Variants in APP observed in about 807,000 individuals in gnomAD.
The protein encoded by APP is amyloid-beta precursor protein.
In APP, 31 loss-of-function variants were observed where a neutral mutation model predicts 101.4. That is an observed-to-expected ratio of 0.31 (90% confidence interval 0.23 to 0.41). The LOEUF (loss-of-function observed/expected upper bound fraction) is 0.41. Ranked by LOEUF, APP falls within the 10% of genes least tolerant of loss-of-function variation. APP has a pLI of 1.00. For missense variants in APP, 839 were observed against 1,003.7 expected (o/e 0.84, Z 2.22); for synonymous variants, 366 against 364.4 (o/e 1.00, Z -0.05).
At chr21:26,121,663 G>A (rs1023051416) in intron 1 of APP, among the ~76,000 whole-genome samples, 2 of 152,080 alleles carry the variant, frequency 1.3e-5, no homozygotes, top group African/African-American at 2.4e-5. Flanking sequence ...CATCTTTTAT[G>A]CAATATCATA....
chr21:26,093,039 G>A (rs527272397), intron 2 of APP, among the ~76,000 whole-genome samples: 12 of 152,160 alleles, frequency 7.9e-5, no homozygotes, highest in African/African-American at 2.9e-4. Context: ...AAGGGATCCT[G>A]CTATTAATAC....
At chr21:26,135,404 C>T (rs2062875411) in intron 1 of APP, among the ~76,000 whole-genome samples, 1 of 152,236 alleles carries the variant, frequency 6.6e-6, no homozygotes, top group Non-Finnish European at 1.5e-5. Flanking sequence ...AATTTTATAT[C>T]ACTTTCTAAC....
chr21:26,070,904 C>A (rs1239463647), intron 3 of APP, among the ~76,000 whole-genome samples: 1 of 152,180 alleles, frequency 6.6e-6, no homozygotes, highest in African/African-American at 2.4e-5. Context: ...TAGTCATCCT[C>A]TTTTATCACT....
chr21:25,897,322 G>C (rs369305331), intron 16 of APP, among the ~76,000 whole-genome samples: 6 of 152,074 alleles, frequency 3.9e-5, no homozygotes, highest in African/African-American at 1.4e-4. Flanking sequence ...CACCATATTG[G>C]CCAGGCTGGT....
Position 26,053,383 on chromosome 21 carries a change from T to A in APP, c.356-35A>T, listed in dbSNP as rs746850311. 8 of 1,404,832 alleles carry A rather than the reference T, an allele frequency of 5.7e-6. No homozygotes were observed. The South Asian group carries it at 8.1e-5, about 14-fold the overall frequency. 87.0% of individuals were successfully genotyped at this position (1,404,832 alleles called of 1,614,324 possible). A position where few individuals can be genotyped will look rare whatever the true frequency, so the allele number is the denominator to read the frequency against. On this transcript the variant is annotated intron_variant, in intron 3 of 17. Coordinates refer to ENST00000346798, the MANE Select transcript of APP (RefSeq NM_000484.4). ...AGGAAAACCACTTCCCGTCATTCCA[T>A]CTGTATCACAGTGTTCTTACCGCAG...
At chr21:25,971,533 TC>T (rs2042033052) in intron 11 of APP, among the ~76,000 whole-genome samples, 2 of 152,172 alleles carry the variant, frequency 1.3e-5, no homozygotes, top group South Asian at 4.1e-4. Flanking sequence ...TGTGGAGAGA[TC>T]AAGGTAGTTG....
chr21:26,007,468 AAT>A (rs1300658307), intron 6 of APP, among the ~76,000 whole-genome samples: 1 of 147,750 alleles, frequency 6.8e-6, no homozygotes, highest in African/African-American at 2.5e-5. Flanking sequence ...TATATATTAC[AAT>A]ATATAATTAT....
At chr21:26,142,645 T>A (rs2063072373) in intron 1 of APP, among the ~76,000 whole-genome samples, 1 of 152,110 alleles carries the variant, frequency 6.6e-6, no homozygotes, top group South Asian at 2.1e-4. Flanking sequence ...GGTGCAAACC[T>A]GTAGTCCCAG....
chr21:25,938,340 AG>A (rs1049139087), intron 13 of APP, among the ~76,000 whole-genome samples: 7 of 152,162 alleles, frequency 4.6e-5, no homozygotes, highest in African/African-American at 1.7e-4. Context: ...TGGGGGAAGC[AG>A]GGAGGATCTC....
chr21:25,999,695 T>C (rs774337881), intron 7 of APP, among the ~76,000 whole-genome samples: 25 of 152,170 alleles, frequency 1.6e-4, no homozygotes, highest in Non-Finnish European at 3.1e-4. Flanking sequence ...CAGAAACGGC[T>C]GGCTGCAGAA....
chr21:26,128,929 G>C (rs1241562377), intron 1 of APP, among the ~76,000 whole-genome samples: 1 of 152,048 alleles, frequency 6.6e-6, no homozygotes, highest in African/African-American at 2.4e-5. Flanking sequence ...AAAACCAAAA[G>C]AAGCCTTAAA....
intron 3 of APP, among the ~76,000 whole-genome samples, chr21:26,069,694 G>T (rs2046599066): frequency 6.6e-6 from 1 of 152,164 alleles, no homozygotes; most frequent in Non-Finnish European, 1.5e-5. Context: ...GTATAGTCCA[G>T]ACTTAAAATG....
intron 5 of APP, among the ~76,000 whole-genome samples, chr21:26,028,248 A>G (rs118188343): frequency 2.3e-3 from 355 of 152,204 alleles, no homozygotes; most frequent in Middle Eastern, 6.8e-3. Flanking sequence ...ATAAATCACA[A>G]TCTTGATCTG....
chr21:26,121,722 AGTG>A (rs1391722563), intron 1 of APP, among the ~76,000 whole-genome samples: 3 of 152,228 alleles, frequency 2.0e-5, no homozygotes, highest in Non-Finnish European at 2.9e-5. Flanking sequence ...TTACTTTATC[AGTG>A]GTACTTTACA....
intron 11 of APP, among the ~76,000 whole-genome samples, chr21:25,958,704 C>A (rs969623910): frequency 2.0e-5 from 3 of 152,132 alleles, no homozygotes; most frequent in Non-Finnish European, 2.9e-5. Flanking sequence ...GTGATAGTTA[C>A]CCAGAATGAT....
At chr21:25,990,201 C>T (rs2042805118) in intron 8 of APP, among the ~76,000 whole-genome samples, 1 of 152,212 alleles carries the variant, frequency 6.6e-6, no homozygotes, top group South Asian at 2.1e-4. Flanking sequence ...ACTATCAATG[C>T]ATCACATGGA....
intron 6 of APP, among the ~76,000 whole-genome samples, chr21:26,020,443 T>C (rs879775607): frequency 6.6e-6 from 1 of 152,102 alleles, no homozygotes; most frequent in Non-Finnish European, 1.5e-5. Flanking sequence ...AATTACACCT[T>C]AATAAGGTAA....
At chr21:25,911,704 C>A (rs889600261) in intron 14 of APP, 37 bp downstream of exon 14, 1 of 1,583,948 alleles carries the variant, frequency 6.3e-7, no homozygotes, top group African/African-American at 1.3e-5. Flanking sequence ...GTATATATAC[C>A]TCCCAGAACG....
chr21:25,911,504 C>T (rs577088913), intron 14 of APP, among the ~76,000 whole-genome samples: 1 of 152,286 alleles, frequency 6.6e-6, no homozygotes, highest in East Asian at 1.9e-4. Context: ...TGGCAGTTTA[C>T]ATGCTTTGCA....
Sources: allele counts gnomAD v4.1 joint callset (sites outside exome capture counted in the v4.1 genomes callset), GRCh38; gene constraint gnomAD v4.1.1; transcripts MANE v1.5; gene names NCBI Gene and HGNC (gene_info 2026-07-23, HGNC 2026-07-21).